The following OR4F16 variants were observed in gnomAD, a reference collection of about 807,000 sequenced individuals.
The protein encoded by OR4F16 is olfactory receptor 4F3/4F16/4F29.
Position 686,364 on chromosome 1 carries a change from GC to G in OR4F16, c.290del (p.Cys97SerfsTer20). The G allele has an allele frequency of 1.2e-4, 1 of 8,198 alleles. No homozygotes were observed. Among genetic ancestry groups the G allele is most frequent in the Admixed American group, 4.6e-4 (1 of 2,180 alleles). The allele number at this position is 8,198 out of a possible 1,614,324, so 0.5% of individuals were successfully genotyped here. A position where few individuals can be genotyped will look rare whatever the true frequency, so the allele number is the denominator to read the frequency against. On this transcript the variant is annotated frameshift_variant, in exon 1 of 1. Coordinates refer to ENST00000332831, the MANE Select transcript of OR4F16 (RefSeq NM_001005277.1). LOFTEE classifies it high-confidence loss of function. ...CGTGGATGAAGAAGATTTGAGCGAT[GC>G]AGCCTCCAAAGGAGATGACTTTGCG... The part of the protein sequence containing the change: ...RKRKVISFGG[C>X]IAQIFFIHVV...
chr1:683,030 GT>G (rs1643002246), downstream of OR4F16, among the ~76,000 whole-genome samples: 1 of 129,420 alleles, frequency 7.7e-6, no homozygotes, highest in Non-Finnish European at 1.7e-5. Context: ...TGCTGTGGTT[GT>G]TCTCTAACCA....
chr1:711,101 C>CA, the OR4F16 span, among the ~76,000 whole-genome samples: 1 of 97,668 alleles, frequency 1.0e-5, no homozygotes, highest in East Asian at 3.0e-4. Flanking sequence ...TAACTTCTAA[C>CA]ATACAAAGCC....
chr1:717,532 ATG>A, the OR4F16 span, among the ~76,000 whole-genome samples: 3 of 91,146 alleles, frequency 3.3e-5, no homozygotes, highest in South Asian at 9.3e-4. Context: ...GGCAATAACT[ATG>A]TAAGTAAATA....
upstream of OR4F16, among the ~76,000 whole-genome samples, chr1:690,448 CT>C (rs1348735525): frequency 2.3e-4 from 30 of 128,048 alleles, no homozygotes; most frequent in Non-Finnish European, 3.7e-4. Context: ...AAATTTTCAC[CT>C]CTTTTATCTT....
At chr1:716,923 AAAAGG>A in the OR4F16 span, among the ~76,000 whole-genome samples, 1 of 44,228 alleles carries the variant, frequency 2.3e-5, no homozygotes, top group African/African-American at 6.5e-5. Context: ...TGTCAAAACT[AAAAGG>A]AAAGATGCAT....
At chr1:677,062 G>A in the OR4F16 span, among the ~76,000 whole-genome samples, 236 of 83,296 alleles carry the variant, frequency 2.8e-3, no homozygotes, top group Middle Eastern at 5.0e-3. Context: ...CGCTGGTGAT[G>A]CCCAGGCAAA....
chr1:715,842 A>G, the OR4F16 span, among the ~76,000 whole-genome samples: 1 of 151,290 alleles, frequency 6.6e-6, no homozygotes, highest in African/African-American at 2.5e-5. Context: ...AAAAAAAAAA[A>G]GAAAAATCAC....
chr1:713,572 C>A, the OR4F16 span, among the ~76,000 whole-genome samples: 1 of 130,170 alleles, frequency 7.7e-6, no homozygotes, highest in Non-Finnish European at 1.5e-5. Flanking sequence ...ACAATCTCTT[C>A]CAAGTACCAC....
the OR4F16 span, among the ~76,000 whole-genome samples, chr1:715,892 A>C: frequency 6.6e-6 from 1 of 150,524 alleles, no homozygotes; most frequent in Non-Finnish European, 1.5e-5. Context: ...GTCAAAGGTA[A>C]GAAAAATTAG....
chr1:712,026 A>T, the OR4F16 span: 3 of 107,166 alleles, frequency 2.8e-5, no homozygotes, highest in Non-Finnish European at 5.0e-5. Flanking sequence ...TATATCTATT[A>T]CATATATATT....
At chr1:715,929 G>A in the OR4F16 span, among the ~76,000 whole-genome samples, 2 of 146,056 alleles carry the variant, frequency 1.4e-5, no homozygotes, top group Non-Finnish European at 3.0e-5. Context: ...TTCTTCCCAA[G>A]CCACTAAATC....
chr1:690,846 G>C (rs1018098327), upstream of OR4F16, among the ~76,000 whole-genome samples: 2 of 148,066 alleles, frequency 1.4e-5, no homozygotes, highest in African/African-American at 5.2e-5. Flanking sequence ...TTATACAATG[G>C]AGAAATCGTA....
At chr1:702,319 C>A in the OR4F16 span, 9 of 146,808 alleles carry the variant, frequency 6.1e-5, no homozygotes, top group East Asian at 1.9e-3. Flanking sequence ...TGCACTCCAG[C>A]CTGGGCAACA....
the OR4F16 span, among the ~76,000 whole-genome samples, chr1:715,813 T>C: frequency 1.3e-5 from 2 of 150,260 alleles, no homozygotes; most frequent in Non-Finnish European, 2.9e-5. Flanking sequence ...GCCTGGGTGG[T>C]AGAGTAAGAC....
At chr1:680,087 T>C in the OR4F16 span, among the ~76,000 whole-genome samples, 2 of 122,860 alleles carry the variant, frequency 1.6e-5, no homozygotes, top group Non-Finnish European at 3.4e-5. Flanking sequence ...ACATAATTCA[T>C]CATATAAATA....
chr1:691,140 C>T (rs1393006964), upstream of OR4F16, among the ~76,000 whole-genome samples: 3 of 151,490 alleles, frequency 2.0e-5, no homozygotes, highest in East Asian at 5.9e-4. Context: ...TTTGCTTGCT[C>T]CCTTGCTCCA....
At chr1:690,582 T>C (rs1295206963), upstream of OR4F16, among the ~76,000 whole-genome samples, 11 of 140,028 alleles carry the variant, frequency 7.9e-5, no homozygotes, top group East Asian at 2.2e-3. Context: ...CTTACCTCCA[T>C]ACATTATGGT....
chr1:691,320 A>G (rs1366253413), upstream of OR4F16, among the ~76,000 whole-genome samples: 1 of 151,242 alleles, frequency 6.6e-6, no homozygotes, highest in Non-Finnish European at 1.5e-5. Flanking sequence ...ATTCTCAGGT[A>G]TGGTAATTAG....
At chr1:715,839 A>G in the OR4F16 span, among the ~76,000 whole-genome samples, 1 of 151,284 alleles carries the variant, frequency 6.6e-6, no homozygotes, top group African/African-American at 2.5e-5. Context: ...CTCAAAAAAA[A>G]AAAGAAAAAT....
Sources: gnomAD v4.1 joint callset for allele counts (sites outside exome capture counted in the v4.1 genomes callset) on GRCh38, gnomAD v4.1.1 for gene constraint, MANE v1.5 for transcripts, NCBI Gene and HGNC (gene_info 2026-07-23, HGNC 2026-07-21) for gene names.